TTC39B: variants seen among roughly 807,000 people sequenced by gnomAD.
TTC39B encodes tetratricopeptide repeat domain 39B.
TTC39B carries 92 observed loss-of-function variants against 96.6 expected under a neutral mutation model. The ratio of observed to expected loss-of-function variants is 0.95; its 90% CI spans 0.80 to 1.13. The LOEUF (loss-of-function observed/expected upper bound fraction) is 1.13. Among genes scored for constraint, TTC39B ranks in the 50% most tolerant of loss-of-function variants. TTC39B has a pLI of 0.00. For missense variants in TTC39B, 955 were observed against 809.3 expected, an observed-to-expected ratio of 1.18 and a Z score of -2.18; for synonymous variants, 367 against 299.4, an observed-to-expected ratio of 1.23 and a Z score of -2.33.
At chr9:15,167,729 G>C (rs1206426603) in exon 20 of TTC39B, 2 of 152,190 alleles carry the variant, frequency 1.3e-5, no homozygotes, top group Non-Finnish European at 2.9e-5. Flanking sequence ...TCCAGCCTGG[G>C]CAACAAGAGC....
At chr9:15,205,606 C>T (rs1819800341) in intron 6 of TTC39B, among the ~76,000 whole-genome samples, 1 of 152,234 alleles carries the variant, frequency 6.6e-6, no homozygotes, top group Non-Finnish European at 1.5e-5. Flanking sequence ...CTTCAGAACA[C>T]CTCTCCTCAA....
At chr9:15,206,403 C>T (rs1280095986) in intron 6 of TTC39B, among the ~76,000 whole-genome samples, 1 of 152,204 alleles carries the variant, frequency 6.6e-6, no homozygotes, top group Admixed American at 6.5e-5. Context: ...TTTTGACATG[C>T]TCCCTTGAAC....
chr9:15,204,950 C>G (rs2131323946), intron 6 of TTC39B, among the ~76,000 whole-genome samples: 1 of 152,250 alleles, frequency 6.6e-6, no homozygotes, highest in Non-Finnish European at 1.5e-5. Context: ...TTACTTTTTT[C>G]CATACACAAG....
At chr9:15,197,713 C>G (rs1819255074) in intron 8 of TTC39B, among the ~76,000 whole-genome samples, 1 of 151,664 alleles carries the variant, frequency 6.6e-6, no homozygotes, top group South Asian at 2.1e-4. Context: ...CTACTGAGAC[C>G]CAAAGATACA....
At position 15,171,350 on chromosome 9, in the gene TTC39B, T is replaced by C. The variant is rs1006739732; in HGVS notation, c.*669A>G. On this transcript the variant is annotated 3_prime_UTR_variant, in exon 20 of 20. Coordinates refer to ENST00000512701, the Ensembl canonical transcript of TTC39B. ...CTTTAGATACACAGGGGTTTTGAAT[T>C]TTGTTATTATAATAGACTTAAGTAC... The C allele has an allele frequency of 1.3e-5, 2 of 152,142 alleles. 1 individual carries two copies. The highest frequency in any genetic ancestry group is 2.9e-5 in the Non-Finnish European group (2 of 68,010). The allele number at this position is 152,142 out of a possible 1,614,324, so 9.4% of individuals were successfully genotyped here. A position where few individuals can be genotyped will look rare whatever the true frequency, so the allele number is the denominator to read the frequency against.
chr9:15,186,703 T>C (rs1440887216), intron 15 of TTC39B: 1 of 355,788 alleles, frequency 2.8e-6, no homozygotes, highest in East Asian at 4.9e-5. Context: ...ACATGGTTTT[T>C]TTTTGGAGAC....
rs538418018 is a variant in TTC39B, at chr9:15,237,472, T to G, written c.276-11460A>C. Among the ~76,000 whole-genome samples, 5 of 152,020 alleles carry G rather than the reference T, an allele frequency of 3.3e-5. No individual in the cohort carries two copies. In the South Asian group the frequency reaches 1.0e-3, roughly 32 times the overall value. On this transcript the variant is annotated intron_variant, in intron 2 of 19. Transcript: ENST00000512701. Reference sequence around the variant, plus strand: ...GATATTACAACCAATACCACAGAAATACAAATGATCATAAGAGACTCCTAT... The same window carrying G: ...GATATTACAACCAATACCACAGAAAGACAAATGATCATAAGAGACTCCTAT...
At chr9:15,245,143 A>T (rs889124175) in intron 2 of TTC39B, among the ~76,000 whole-genome samples, 4 of 152,206 alleles carry the variant, frequency 2.6e-5, no homozygotes, top group African/African-American at 4.8e-5. Flanking sequence ...TTGATGAATG[A>T]ATGACATTCT....
intron 2 of TTC39B, among the ~76,000 whole-genome samples, chr9:15,251,694 C>CATATAAATATATATATATAT (rs59081141): frequency 1.6e-5 from 1 of 61,810 alleles, no homozygotes; most frequent in Admixed American, 1.9e-4. Flanking sequence ...CACACACATA[C>CATATAAATATATATATATAT]ATATACATAT....
chr9:15,270,299 T>C (rs1164655092), intron 1 of TTC39B, among the ~76,000 whole-genome samples: 5 of 152,162 alleles, frequency 3.3e-5, no homozygotes, highest in Non-Finnish European at 7.3e-5. Context: ...CAGGTTATCA[T>C]GTGAGTAGTT....
At chr9:15,251,422 C>T (rs1222189961) in intron 2 of TTC39B, among the ~76,000 whole-genome samples, 2 of 148,484 alleles carry the variant, frequency 1.3e-5, no homozygotes, top group Non-Finnish European at 3.0e-5. Context: ...ATTAGCCAGG[C>T]GTGGTGGCGC....
intron 2 of TTC39B, among the ~76,000 whole-genome samples, chr9:15,253,730 AT>A (rs34443365): frequency 0.31 from 47,733 of 151,926 alleles, 11,033 homozygotes; most frequent in African/African-American, 0.66. Context: ...ATGTTCAAGT[AT>A]TTTCTCTTTG....
intron 2 of TTC39B, among the ~76,000 whole-genome samples, chr9:15,258,229 C>A (rs373252415): frequency 1.3e-5 from 2 of 151,870 alleles, no homozygotes; most frequent in Non-Finnish European, 2.9e-5. Flanking sequence ...TGTAATAGAG[C>A]GGAGAGAGAG....
At chr9:15,187,924 C>T (rs1247803528) in intron 14 of TTC39B, 47 bp downstream of exon 14, 5 of 1,510,684 alleles carry the variant, frequency 3.3e-6, no homozygotes, top group Non-Finnish European at 4.4e-6. Context: ...ATCATCCTGG[C>T]CATGTATTAG....
chr9:15,206,276 C>T (rs1819851670), intron 6 of TTC39B, among the ~76,000 whole-genome samples: 1 of 151,952 alleles, frequency 6.6e-6, no homozygotes, highest in African/African-American at 2.4e-5. Flanking sequence ...GTATGTTCCA[C>T]ATTAAAACCA....
intron 4 of TTC39B, among the ~76,000 whole-genome samples, 195 bp from the exon 5 acceptor site, chr9:15,211,592 G>A (rs1820204432): frequency 6.6e-6 from 1 of 152,090 alleles, no homozygotes; most frequent in Non-Finnish European, 1.5e-5. Flanking sequence ...ACCCACACAG[G>A]CAGAACAAAA....
intron 16 of TTC39B, 138 bp downstream of exon 16, chr9:15,185,142 T>C: frequency 9.0e-7 from 1 of 1,106,114 alleles, no homozygotes. Flanking sequence ...ATTATTTATT[T>C]AGAAATGTTC....
chr9:15,255,033 T>C (rs1191237134), intron 2 of TTC39B, among the ~76,000 whole-genome samples: 3 of 152,182 alleles, frequency 2.0e-5, no homozygotes, highest in Non-Finnish European at 2.9e-5. Context: ...CAGAGCTATA[T>C]GGAGTTTTAA....
intron 2 of TTC39B, among the ~76,000 whole-genome samples, chr9:15,255,237 T>A (rs1250431860): frequency 6.6e-6 from 1 of 152,172 alleles, no homozygotes; most frequent in African/African-American, 2.4e-5. Context: ...TTCCAATTTG[T>A]TGATGGCTAT....
Sources: allele counts gnomAD v4.1 joint callset (sites outside exome capture counted in the v4.1 genomes callset), GRCh38; gene constraint gnomAD v4.1.1; transcripts MANE v1.5; gene names NCBI Gene and HGNC (gene_info 2026-07-23, HGNC 2026-07-21).